The following IL2RB variants were observed in gnomAD, a reference collection of about 807,000 sequenced individuals.
IL2RB encodes interleukin-2 receptor subunit beta.
A neutral mutation model predicts 44.2 loss-of-function variants in IL2RB; 17 were observed. That is an observed-to-expected ratio of 0.38 (90% CI 0.26 to 0.58). The LOEUF (loss-of-function observed/expected upper bound fraction) is 0.58. IL2RB is among the 20% of genes least tolerant of loss of function. The pLI is 0.63. For missense variants in IL2RB, 624 were observed against 685.5 expected (o/e 0.91, Z 1.00); for synonymous variants, 286 against 297.9 (o/e 0.96, Z 0.41).
intron 6 of IL2RB, among the ~76,000 whole-genome samples, chr22:37,136,650 T>C (rs1921719439): frequency 6.6e-6 from 1 of 151,506 alleles, no homozygotes; most frequent in South Asian, 2.1e-4. Flanking sequence ...CATCCCCCTC[T>C]CTCCCCGCCG....
At chr22:37,129,569 G>T (rs1921318883) in intron 9 of IL2RB, among the ~76,000 whole-genome samples, 1 of 151,908 alleles carries the variant, frequency 6.6e-6, no homozygotes, top group Non-Finnish European at 1.5e-5. Flanking sequence ...CCGGGTTCTA[G>T]CCCTGGCCCT....
intron 1 of IL2RB, among the ~76,000 whole-genome samples, chr22:37,158,275 C>T (rs1922747504): frequency 6.6e-6 from 1 of 151,914 alleles, no homozygotes; most frequent in East Asian, 1.9e-4. Context: ...GAGGGCTGGG[C>T]GCGGTGGCTT....
At chr22:37,146,059 T>C (rs1922209105) in intron 1 of IL2RB, among the ~76,000 whole-genome samples, 1 of 152,172 alleles carries the variant, frequency 6.6e-6, no homozygotes, top group Admixed American at 6.5e-5. Flanking sequence ...TCTTCTCCTG[T>C]CTGACTTTCA....
At chr22:37,170,619 C>T (rs1923249896) in intron 1 of IL2RB, among the ~76,000 whole-genome samples, 1 of 152,170 alleles carries the variant, frequency 6.6e-6, no homozygotes, top group African/African-American at 2.4e-5. Context: ...CTTCTGGCCA[C>T]CTCTCAGTCC....
intron 1 of IL2RB, among the ~76,000 whole-genome samples, chr22:37,164,210 C>T (rs1472162092): frequency 1.3e-5 from 2 of 152,172 alleles, no homozygotes; most frequent in African/African-American, 2.4e-5. Flanking sequence ...CACCCCCAAC[C>T]TCCTCCACCT....
upstream of IL2RB, among the ~76,000 whole-genome samples, chr22:37,150,407 C>T (rs1477947317): frequency 3.3e-5 from 5 of 152,252 alleles, no homozygotes; most frequent in South Asian, 6.2e-4. Flanking sequence ...CCCCTTACTC[C>T]GTTTAGCATT....
intron 1 of IL2RB, among the ~76,000 whole-genome samples, chr22:37,174,419 G>A (rs1923387110): frequency 6.6e-6 from 1 of 152,150 alleles, no homozygotes. Context: ...TTCAGCTGGG[G>A]AACCGTATAT....
intron 1 of IL2RB, among the ~76,000 whole-genome samples, chr22:37,148,446 G>A (rs3218255): frequency 0.21 from 31,485 of 152,080 alleles, 3,528 homozygotes; most frequent in Non-Finnish European, 0.26. Context: ...ACACCCACAC[G>A]TGCCCTGTCG....
chr22:37,129,464 C>G (rs1444030261), intron 9 of IL2RB, among the ~76,000 whole-genome samples: 1 of 150,964 alleles, frequency 6.6e-6, no homozygotes, highest in Non-Finnish European at 1.5e-5. Flanking sequence ...ACCCCCACCC[C>G]CTCCGCCTCC....
At chr22:37,148,182 G>A (rs187205402) in intron 1 of IL2RB, among the ~76,000 whole-genome samples, 1 of 151,594 alleles carries the variant, frequency 6.6e-6, no homozygotes, top group African/African-American at 2.4e-5. Flanking sequence ...GCCGCCTGGA[G>A]CTCAGAGGTG....
upstream of IL2RB, chr22:37,149,953 A>C (rs1601606859): frequency 4.1e-6 from 4 of 977,702 alleles, no homozygotes; most frequent in Non-Finnish European, 3.6e-6. Context: ...GCCCAGAGCC[A>C]GCCCACTTCC....
At chr22:37,147,933 T>C (rs1265233396) in intron 1 of IL2RB, among the ~76,000 whole-genome samples, 2 of 152,334 alleles carry the variant, frequency 1.3e-5, no homozygotes, top group Non-Finnish European at 2.9e-5. Context: ...CGCTCAATCA[T>C]GCCAACCTGG....
intron 6 of IL2RB, 142 bp downstream of exon 6, chr22:37,137,445 G>C (rs1054421770): frequency 2.5e-6 from 2 of 795,458 alleles, no homozygotes; most frequent in African/African-American, 3.5e-5. Flanking sequence ...GCAGCCCCAG[G>C]CAGTGCAGAA....
At chr22:37,174,158 A>G (rs1923376405) in intron 1 of IL2RB, among the ~76,000 whole-genome samples, 1 of 152,186 alleles carries the variant, frequency 6.6e-6, no homozygotes, top group Admixed American at 6.5e-5. Flanking sequence ...AAGCGAGAAG[A>G]GGCTTTTGGA....
In IL2RB at chr22:37,134,250, A is replaced by G. The variant is rs557097582; in HGVS notation, c.818+1078T>C. 6.7e-4 allele frequency among the ~76,000 whole-genome samples: 102 copies of G among 152,360 alleles called. 2 individuals carry two copies. The highest frequency in any genetic ancestry group is 3.4e-3 in the Middle Eastern group (1 of 294). On this transcript the variant is annotated intron_variant, in intron 8 of 9. Coordinates refer to ENST00000216223, the MANE Select transcript of IL2RB (RefSeq NM_000878.5). The stretch of plus-strand genomic sequence containing the variant: ...TTAGGTATTATAAGTAATCTAGGAG[A>G]TGACCTAAAGTCTCTGGGAGGGTGT...
At chr22:37,167,216 C>A (rs1035356347) in intron 1 of IL2RB, among the ~76,000 whole-genome samples, 1 of 152,126 alleles carries the variant, frequency 6.6e-6, no homozygotes, top group African/African-American at 2.4e-5. Flanking sequence ...CACCCTCTGC[C>A]CCTCCTGTAT....
In IL2RB at chr22:37,169,448, G is replaced by A. The variant is rs540029419; in HGVS notation, c.-34+5510C>T. On this transcript the variant is annotated intron_variant, in intron 1 of 5. Transcript: ENST00000429622. ...TACAGAGGGGTTCATATTTGTTAGC[G>A]GGACGCTGCCATGTCATCCTTCACT... Among the ~76,000 whole-genome samples, 10 of 152,254 alleles carry A rather than the reference G, an allele frequency of 6.6e-5. No individual in the cohort carries two copies. The South Asian group carries it at 1.9e-3, about 28-fold the overall frequency.
intron 8 of IL2RB, among the ~76,000 whole-genome samples, chr22:37,134,029 C>T (rs1921564380): frequency 1.3e-5 from 2 of 152,150 alleles, no homozygotes; most frequent in South Asian, 4.1e-4. Context: ...CACGCCCCAG[C>T]CAAGTTTCCC....
In IL2RB at chr22:37,128,400, C is replaced by T. The variant is rs917715372; in HGVS notation, c.1352G>A (p.Gly451Asp). ...PSTAPGGSGAGEERMPPSLQE... is the reference protein window; with the variant it reads ...PSTAPGGSGADEERMPPSLQE... ...CAAAGAAGGGGGCATCCTCTCTTCA[C>T]CGGCCCCACTGCCCCCAGGGGCAGT... The change falls in exon 10 of 10, where the codon GGT becomes GAT. Residue 451 changes from glycine (G) to aspartate (D), a missense_variant. Transcript: ENST00000216223. The surrounding 1 kb of genome is among the most constrained non-coding windows in gnomAD (Gnocchi z 4.5). 2 of 1,513,734 alleles carry T rather than the reference C, an allele frequency of 1.3e-6. No homozygotes were observed. Among genetic ancestry groups the T allele is most frequent in the Non-Finnish European group, 1.8e-6 (2 of 1,132,374 alleles). 93.8% of individuals were successfully genotyped at this position (1,513,734 alleles called of 1,614,324 possible). A position where few individuals can be genotyped will look rare whatever the true frequency, so the allele number is the denominator to read the frequency against.
Sources: allele counts gnomAD v4.1 joint callset (sites outside exome capture counted in the v4.1 genomes callset), GRCh38; gene constraint gnomAD v4.1.1; non-coding constraint Gnocchi (gnomAD v3.1); transcripts MANE v1.5; gene names NCBI Gene and HGNC (gene_info 2026-07-23, HGNC 2026-07-21).